MANBAL: variants seen among roughly 807,000 people sequenced by gnomAD.
MANBAL encodes the protein protein MANBAL.
MANBAL carries 1 observed loss-of-function variant against 6.4 expected under a neutral mutation model. That is an observed-to-expected ratio of 0.16 (90% CI 0.06 to 0.74). The LOEUF (loss-of-function observed/expected upper bound fraction) is 0.74. MANBAL is among the 30% of genes least tolerant of loss of function. MANBAL has a pLI of 0.78. For missense variants in MANBAL, 100 were observed against 107.8 expected (o/e 0.93, Z 0.32); for synonymous variants, 47 against 45.8 (o/e 1.03, Z -0.10).
intron 1 of MANBAL, chr20:37,297,000 T>C (rs926412628): frequency 6.6e-6 from 1 of 152,176 alleles, no homozygotes; most frequent in African/African-American, 2.4e-5. Context: ...AATCTGAGTA[T>C]TTATAAGCTC....
At chr20:37,294,974 A>G (rs1297384822) in intron 1 of MANBAL, among the ~76,000 whole-genome samples, 1 of 152,250 alleles carries the variant, frequency 6.6e-6, no homozygotes, top group Admixed American at 6.5e-5. Flanking sequence ...GTAATAATTA[A>G]TTATGCACCT....
chr20:37,313,597 T>G (rs2069439024), intron 2 of MANBAL, among the ~76,000 whole-genome samples: 1 of 151,704 alleles, frequency 6.6e-6, no homozygotes. Context: ...TTCTAGCTAC[T>G]CAGGAGGCTG....
At chr20:37,312,285 T>G (rs1278251358) in intron 2 of MANBAL, among the ~76,000 whole-genome samples, 1 of 152,162 alleles carries the variant, frequency 6.6e-6, no homozygotes, top group East Asian at 1.9e-4. Context: ...AGGTGACCCA[T>G]TGACAGATAG....
At chr20:37,290,439 T>A (rs1015210484) in intron 1 of MANBAL, among the ~76,000 whole-genome samples, 1 of 144,370 alleles carries the variant, frequency 6.9e-6, no homozygotes, top group Non-Finnish European at 1.6e-5. Flanking sequence ...TCTTTTTCTT[T>A]CCTTTTTTTT....
At chr20:37,313,309 T>C (rs2069429530) in intron 2 of MANBAL, among the ~76,000 whole-genome samples, 3 of 151,330 alleles carry the variant, frequency 2.0e-5, no homozygotes, top group Admixed American at 2.0e-4. Flanking sequence ...AGGCGGAACT[T>C]GCAATGAGCC....
intron 2 of MANBAL, among the ~76,000 whole-genome samples, chr20:37,302,108 T>C (rs2069151451): frequency 1.3e-5 from 2 of 152,210 alleles, no homozygotes. Context: ...TTTATAACTA[T>C]ACACCCTCCT....
intron 2 of MANBAL, among the ~76,000 whole-genome samples, chr20:37,304,478 A>G (rs1026566514): frequency 2.6e-5 from 4 of 152,212 alleles, no homozygotes; most frequent in African/African-American, 9.6e-5. Context: ...TGAAAACAGT[A>G]ACAAATGCAT....
intron 1 of MANBAL, among the ~76,000 whole-genome samples, chr20:37,295,813 A>G (rs1045989346): frequency 5.9e-5 from 9 of 152,208 alleles, no homozygotes; most frequent in African/African-American, 1.9e-4. Flanking sequence ...TGCTGCTGGA[A>G]CAATGGCCAG....
intron 1 of MANBAL, among the ~76,000 whole-genome samples, chr20:37,299,361 G>A (rs942379256): frequency 2.6e-5 from 4 of 152,148 alleles, no homozygotes; most frequent in Non-Finnish European, 5.9e-5. Context: ...TTATAGGCGT[G>A]AGCCACTGCA....
chr20:37,291,931 G>A (rs994131153), intron 1 of MANBAL, among the ~76,000 whole-genome samples: 1 of 152,138 alleles, frequency 6.6e-6, no homozygotes, highest in East Asian at 1.9e-4. Context: ...ACCCAGTCTC[G>A]GGTATTTCTT....
intron 1 of MANBAL, among the ~76,000 whole-genome samples, chr20:37,298,612 A>G (rs560524584): frequency 5.8e-4 from 88 of 152,302 alleles, no homozygotes; most frequent in African/African-American, 2.1e-3. Context: ...GTAATACTCC[A>G]TTGTATGTAT....
chr20:37,314,889 G>T (rs973175478), intron 2 of MANBAL, among the ~76,000 whole-genome samples: 4 of 152,234 alleles, frequency 2.6e-5, no homozygotes, highest in Non-Finnish European at 5.9e-5. Flanking sequence ...CTTGGGCCAC[G>T]GGCCAATGGG....
intron 2 of MANBAL, among the ~76,000 whole-genome samples, chr20:37,310,391 T>C (rs564531812): frequency 5.4e-4 from 82 of 152,336 alleles, no homozygotes; most frequent in Non-Finnish European, 1.6e-4. Context: ...TGACCTGCTT[T>C]TAGTCTGCCT....
At chr20:37,289,862 G>A (rs1459935357) in intron 1 of MANBAL, among the ~76,000 whole-genome samples, 176 bp downstream of exon 1, 1 of 152,244 alleles carries the variant, frequency 6.6e-6, no homozygotes, top group East Asian at 1.9e-4. Flanking sequence ...ACTTCCGGAG[G>A]GGAATTTGAG....
intron 2 of MANBAL, among the ~76,000 whole-genome samples, chr20:37,305,022 C>T (rs1240211350): frequency 6.6e-6 from 1 of 152,094 alleles, no homozygotes; most frequent in Non-Finnish European, 1.5e-5. Context: ...GGAGGAGCAG[C>T]CAGCAAGGGT....
intron 1 of MANBAL, among the ~76,000 whole-genome samples, chr20:37,296,264 A>G (rs770135676): frequency 2.0e-5 from 3 of 152,202 alleles, no homozygotes; most frequent in Non-Finnish European, 4.4e-5. Context: ...TACCCTAACA[A>G]AAGTCTTGTG....
At chr20:37,305,728 C>T (rs1021298475) in intron 2 of MANBAL, among the ~76,000 whole-genome samples, 3 of 146,072 alleles carry the variant, frequency 2.1e-5, no homozygotes, top group African/African-American at 7.7e-5. Context: ...CAAAAAAATA[C>T]AGTACTGTTG....
At chr20:37,293,723 G>A (rs577312691) in intron 1 of MANBAL, among the ~76,000 whole-genome samples, 19 of 152,266 alleles carry the variant, frequency 1.2e-4, no homozygotes, top group Non-Finnish European at 2.6e-4. Flanking sequence ...ATGTATGGTG[G>A]TTTTAGAATT....
intron 1 of MANBAL, among the ~76,000 whole-genome samples, chr20:37,298,328 G>T (rs1393827704): frequency 6.6e-6 from 1 of 152,152 alleles, no homozygotes; most frequent in Non-Finnish European, 1.5e-5. Flanking sequence ...CGTCATCACT[G>T]TCTATTTCTA....
Sources: allele counts gnomAD v4.1 joint callset (sites outside exome capture counted in the v4.1 genomes callset), GRCh38; gene constraint gnomAD v4.1.1; transcripts MANE v1.5; gene names NCBI Gene and HGNC (gene_info 2026-07-23, HGNC 2026-07-21).